ADAM10: variants seen among roughly 807,000 people sequenced by gnomAD.
The protein encoded by ADAM10 is disintegrin and metalloproteinase domain-containing protein 10.
ADAM10 carries 17 observed loss-of-function variants against 90.1 expected under a neutral mutation model. The observed-to-expected ratio is 0.19, with a 90% CI of 0.13 to 0.28. The LOEUF (loss-of-function observed/expected upper bound fraction) is 0.28. Among genes scored for constraint, ADAM10 ranks in the 10% least tolerant of loss-of-function variants. The pLI is 1.00. For missense variants in ADAM10, 610 were observed against 914.3 expected (o/e 0.67, Z 4.29); for synonymous variants, 310 against 298.6 (o/e 1.04, Z -0.40).
chr15:58,715,939 A>G (rs1198353798), intron 2 of ADAM10, among the ~76,000 whole-genome samples: 1 of 152,198 alleles, frequency 6.6e-6, no homozygotes, highest in Non-Finnish European at 1.5e-5. Context: ...AATAATACTA[A>G]GTATATTTTG....
chr15:58,711,307 G>A (rs1898465898), intron 2 of ADAM10, among the ~76,000 whole-genome samples: 2 of 152,020 alleles, frequency 1.3e-5, no homozygotes, highest in Admixed American at 1.3e-4. Flanking sequence ...AGAAAAATAT[G>A]GTTTATTACT....
At chr15:58,700,773 G>A (rs559229750) in intron 2 of ADAM10, among the ~76,000 whole-genome samples, 2 of 152,188 alleles carry the variant, frequency 1.3e-5, no homozygotes, top group South Asian at 4.1e-4. Flanking sequence ...CCAGCACCCT[G>A]AGAGGTGGAA....
At chr15:58,730,465 T>C (rs1438513400) in intron 1 of ADAM10, among the ~76,000 whole-genome samples, 2 of 151,360 alleles carry the variant, frequency 1.3e-5, no homozygotes, top group South Asian at 2.1e-4. Flanking sequence ...ATTAAATCTT[T>C]GGTAAGTCAC....
intron 14 of ADAM10, among the ~76,000 whole-genome samples, chr15:58,601,261 A>G (rs1355669239): frequency 6.6e-6 from 1 of 152,124 alleles, no homozygotes; most frequent in Non-Finnish European, 1.5e-5. Flanking sequence ...CAGGAGTTCG[A>G]GACTAGCCAG....
intron 11 of ADAM10, among the ~76,000 whole-genome samples, chr15:58,619,676 G>A (rs144740422): frequency 0.05 from 7,662 of 152,052 alleles, 654 homozygotes; most frequent in African/African-American, 0.17. Context: ...AGGCCAAGGC[G>A]GGAGGATCAG....
At chr15:58,692,922 G>A (rs757972240) in intron 2 of ADAM10, 3 of 704,808 alleles carry the variant, frequency 4.3e-6, no homozygotes, top group South Asian at 4.1e-5. Flanking sequence ...CCTTGGTCAT[G>A]CCAATGCCTG....
chr15:58,676,330 T>C (rs1490839135), intron 4 of ADAM10: 1 of 455,212 alleles, frequency 2.2e-6, no homozygotes, highest in Non-Finnish European at 4.4e-6. Flanking sequence ...CAGTATCTCA[T>C]AACGTTATTT....
At chr15:58,735,699 G>C (rs1394395528) in intron 1 of ADAM10, among the ~76,000 whole-genome samples, 1 of 152,092 alleles carries the variant, frequency 6.6e-6, no homozygotes, top group Admixed American at 6.6e-5. Context: ...TTCGTGGTTG[G>C]TTTAATCCAT....
chr15:58,611,636 A>G, intron 12 of ADAM10, 172 bp downstream of exon 12: 1 of 635,744 alleles, frequency 1.6e-6, no homozygotes, highest in Non-Finnish European at 2.7e-6. Flanking sequence ...GATGAAAGAC[A>G]AATTAGTAGC....
intron 2 of ADAM10, among the ~76,000 whole-genome samples, chr15:58,701,829 G>A (rs186594395): frequency 4.5e-4 from 68 of 152,170 alleles, no homozygotes; most frequent in African/African-American, 1.5e-3. Flanking sequence ...AATAAGGCCC[G>A]GAGCAGTGAC....
intron 7 of ADAM10, among the ~76,000 whole-genome samples, chr15:58,641,242 TGGGA>T (rs1566977175): frequency 2.0e-5 from 3 of 152,182 alleles, no homozygotes; most frequent in Admixed American, 2.0e-4. Context: ...ACTGAACACT[TGGGA>T]AGAAAAAACA....
rs1895404524 is a variant in ADAM10, at chr15:58,610,289, A to T, written c.2025+8T>A. Reference sequence around the variant, plus strand: ...TAAGTTTTCTTTGTAAATAAAAAACATACTTACCACAATCCATTCAGCAAT... The same window carrying T: ...TAAGTTTTCTTTGTAAATAAAAAACTTACTTACCACAATCCATTCAGCAAT... On this transcript the variant is annotated splice_region_variant and intron_variant, in intron 14 of 15. Coordinates refer to ENST00000260408, the MANE Select transcript of ADAM10 (RefSeq NM_001110.4). The T allele has an allele frequency of 6.2e-7, 1 of 1,612,724 alleles. No homozygotes were observed. The highest frequency in any genetic ancestry group is 8.5e-7 in the Non-Finnish European group (1 of 1,178,856).
intron 5 of ADAM10, among the ~76,000 whole-genome samples, chr15:58,653,266 G>A (rs969965225): frequency 1.3e-5 from 2 of 152,150 alleles, no homozygotes; most frequent in Admixed American, 1.3e-4. Flanking sequence ...GAGTAACAGT[G>A]CTGAAAGAAG....
At chr15:58,740,429 G>A (rs952903715) in intron 1 of ADAM10, among the ~76,000 whole-genome samples, 3 of 146,368 alleles carry the variant, frequency 2.0e-5, no homozygotes, top group African/African-American at 7.9e-5. Flanking sequence ...AAAAAAAAAA[G>A]AACAGCAATA....
intron 1 of ADAM10, among the ~76,000 whole-genome samples, chr15:58,722,392 A>C (rs1361438502): frequency 6.6e-6 from 1 of 151,842 alleles, no homozygotes; most frequent in African/African-American, 2.4e-5. Context: ...CAAAAAAACT[A>C]GCCAGGAATG....
rs201175636 is a variant in ADAM10 at position 58,597,211 on chromosome 15, T to C, written c.*336A>G. 8 of 669,788 alleles carry C rather than the reference T, an allele frequency of 1.2e-5. No individual in the cohort carries two copies. The South Asian group carries it at 1.6e-4, about 14-fold the overall frequency. 41.5% of individuals were successfully genotyped at this position (669,788 alleles called of 1,614,324 possible). ...TATTTCAATTTGTGGTAAAAGTTTATTGAGAGCCAAGTTTGCCTGCAAGTG... is the reference window on the plus strand; with the variant it reads ...TATTTCAATTTGTGGTAAAAGTTTACTGAGAGCCAAGTTTGCCTGCAAGTG... On this transcript the variant is annotated 3_prime_UTR_variant, in exon 16 of 16. Transcript: ENST00000260408.
chr15:58,662,246 G>C (rs1404450447), intron 5 of ADAM10, among the ~76,000 whole-genome samples: 1 of 152,144 alleles, frequency 6.6e-6, no homozygotes, highest in South Asian at 2.1e-4. Context: ...TTTGAGGTTT[G>C]TTTTTCTGCT....
At chr15:58,653,514 A>ACTGACTGATTTGCATACGTTGAACCATT (rs1896738369) in intron 5 of ADAM10, among the ~76,000 whole-genome samples, 6 of 152,184 alleles carry the variant, frequency 3.9e-5, no homozygotes, top group Admixed American at 2.6e-4. Context: ...GATGTATCAC[A>ACTGACTGATTTGCATACGTTGAACCATT]CTGACTGATT....
At chr15:58,637,767 G>A (rs1162738527) in intron 8 of ADAM10, among the ~76,000 whole-genome samples, 2 of 151,918 alleles carry the variant, frequency 1.3e-5, no homozygotes, top group Non-Finnish European at 2.9e-5. Flanking sequence ...ACTGAATCTG[G>A]AGTCAAAAGG....
Sources: gnomAD v4.1 joint callset for allele counts (sites outside exome capture counted in the v4.1 genomes callset) on GRCh38, gnomAD v4.1.1 for gene constraint, MANE v1.5 for transcripts, NCBI Gene and HGNC (gene_info 2026-07-23, HGNC 2026-07-21) for gene names.